The following CCBE1 variants were observed in gnomAD, a reference collection of about 807,000 sequenced individuals.
CCBE1 encodes the protein collagen and calcium-binding EGF domain-containing protein 1.
CCBE1 carries 37 observed loss-of-function variants against 50.0 expected under a neutral mutation model. The observed-to-expected ratio is 0.74, with a 90% CI of 0.57 to 0.97. The LOEUF is 0.97. CCBE1 is among the 50% of genes least tolerant of loss of function. CCBE1 has a pLI of 0.00. For missense variants in CCBE1, 538 were observed against 523.8 expected, an observed-to-expected ratio of 1.03 and a Z score of -0.26; for synonymous variants, 234 against 203.7, an observed-to-expected ratio of 1.15 and a Z score of -1.27.
rs1292933458 is a variant in CCBE1 at position 59,431,725 on chromosome 18, A to T, written c.*4183T>A. ...CTTTCCTTCCTTCCAAAACCAATGA[A>T]CATTTATTATTTACTTGTTGGGCTA... On this transcript the variant is annotated 3_prime_UTR_variant, in exon 11 of 11. Transcript: ENST00000439986. 1 of 152,160 alleles carries T rather than the reference A, an allele frequency of 6.6e-6. No homozygotes were observed. Among genetic ancestry groups the T allele is most frequent in the Non-Finnish European group, 1.5e-5 (1 of 68,022 alleles). 9.4% of individuals were successfully genotyped at this position (152,160 alleles called of 1,614,324 possible).
At chr18:59,614,789 C>T (rs963771103) in intron 2 of CCBE1, among the ~76,000 whole-genome samples, 1 of 152,274 alleles carries the variant, frequency 6.6e-6, no homozygotes, top group African/African-American at 2.4e-5. Flanking sequence ...CTCCTGACTT[C>T]TGTTAATATG....
chr18:59,438,247 A>G (rs1910251694), intron 9 of CCBE1, 101 bp from the exon 10 acceptor site: 3 of 1,054,472 alleles, frequency 2.8e-6, no homozygotes, highest in Admixed American at 1.8e-5. Flanking sequence ...TGCACAAAAC[A>G]ATAAACATTT....
Position 59,607,276 on chromosome 18 carries a change from G to A in CCBE1, c.212+89353C>T, listed in dbSNP as rs549522186. Among the ~76,000 whole-genome samples, 11 of 152,198 alleles carry A rather than the reference G, an allele frequency of 7.2e-5. No homozygotes were observed. The South Asian group carries it at 2.3e-3, about 32-fold the overall frequency. On this transcript the variant is annotated intron_variant, in intron 2 of 10. Coordinates refer to ENST00000439986, the MANE Select transcript of CCBE1 (RefSeq NM_133459.4). ...TGTACCAGTCAGCAATGTAGAATAC[G>A]GCCCATAAGTTCATGAATGGCATGA...
chr18:59,562,435 G>A (rs1332622977), intron 2 of CCBE1, among the ~76,000 whole-genome samples: 2 of 152,184 alleles, frequency 1.3e-5, no homozygotes, highest in African/African-American at 4.8e-5. Flanking sequence ...GCTGCACAGA[G>A]AGAGGCAGAG....
At chr18:59,648,589 C>T (rs2054086319) in intron 2 of CCBE1, among the ~76,000 whole-genome samples, 1 of 152,146 alleles carries the variant, frequency 6.6e-6, no homozygotes. Flanking sequence ...GCCTGTAGTC[C>T]TAGTCAGGAG....
Position 59,431,390 on chromosome 18 carries a change from G to A in CCBE1, c.*4518C>T, listed in dbSNP as rs749523231. 1 of 152,158 alleles carries A rather than the reference G, an allele frequency of 6.6e-6. No individual in the cohort carries two copies. 9.4% of individuals were successfully genotyped at this position (152,158 alleles called of 1,614,324 possible). A position where few individuals can be genotyped will look rare whatever the true frequency, so the allele number is the denominator to read the frequency against. On this transcript the variant is annotated 3_prime_UTR_variant, in exon 11 of 11. Coordinates refer to ENST00000439986, the MANE Select transcript of CCBE1 (RefSeq NM_133459.4). ...TTTAGATGGCTCTATTCTACTTGTT[G>A]TTTGGCCTGGATTCCTCCAATAACT...
chr18:59,653,517 A>T (rs1356890095), intron 2 of CCBE1, among the ~76,000 whole-genome samples: 1 of 152,216 alleles, frequency 6.6e-6, no homozygotes, highest in East Asian at 1.9e-4. Context: ...TGTGCTTTTC[A>T]CATTGTCTGC....
intron 2 of CCBE1, among the ~76,000 whole-genome samples, chr18:59,512,570 C>T (rs2144300170): frequency 6.6e-6 from 1 of 152,380 alleles, no homozygotes; most frequent in Admixed American, 6.5e-5. Flanking sequence ...GTGCCATTCC[C>T]TGTATGACAG....
At chr18:59,469,419 C>A in intron 4 of CCBE1, 54 bp downstream of exon 4, 1 of 1,612,902 alleles carries the variant, frequency 6.2e-7, no homozygotes, top group Non-Finnish European at 8.5e-7. Context: ...AGGACAGAAC[C>A]ATCTGAACAA....
intron 3 of CCBE1, among the ~76,000 whole-genome samples, chr18:59,478,582 G>A (rs1046039093): frequency 1.3e-5 from 2 of 152,230 alleles, no homozygotes; most frequent in African/African-American, 4.8e-5. Flanking sequence ...TATAGGTGCT[G>A]TAGTCTCTTT....
chr18:59,664,260 C>T (rs1054437019), intron 2 of CCBE1, among the ~76,000 whole-genome samples: 3 of 152,104 alleles, frequency 2.0e-5, no homozygotes, highest in African/African-American at 7.2e-5. Context: ...CACCTAATCC[C>T]ATCACCTTAG....
At chr18:59,658,345 A>T (rs2054222322) in intron 2 of CCBE1, among the ~76,000 whole-genome samples, 1 of 39,842 alleles carries the variant, frequency 2.5e-5, no homozygotes, top group Non-Finnish European at 4.2e-5. Context: ...AAAAAAAAAA[A>T]AAAAAAAAAA....
chr18:59,586,995 G>A (rs548008791), intron 2 of CCBE1, among the ~76,000 whole-genome samples: 9 of 152,120 alleles, frequency 5.9e-5, no homozygotes, highest in African/African-American at 1.7e-4. Context: ...AATGGAAACC[G>A]TGAACATGGA....
chr18:59,454,947 A>G lies in CCBE1; in HGVS notation c.558T>C (p.His186=), dbSNP rs1264409227. Residue 186 remains histidine (H), a synonymous_variant, in exon 6 of 11, where the codon CAT becomes CAC. Coordinates refer to ENST00000439986, the MANE Select transcript of CCBE1 (RefSeq NM_133459.4). ...RGDKYPNDTG[H]EKSENMVKAG... is the part of the protein sequence containing the mutation. ...CTTTCACCATGTTCTCAGACTTCTC[A>G]TGGCCTGAGAAAGGAGATAGGCTCA... is the stretch of plus-strand genomic sequence containing the variant. The G allele has an allele frequency of 6.2e-7, 1 of 1,612,328 alleles. No individual in the cohort carries two copies. The highest frequency in any genetic ancestry group is 2.2e-5 in the East Asian group (1 of 44,870).
At chr18:59,651,160 T>C (rs1400410545) in intron 2 of CCBE1, among the ~76,000 whole-genome samples, 2 of 152,206 alleles carry the variant, frequency 1.3e-5, no homozygotes, top group Non-Finnish European at 2.9e-5. Flanking sequence ...AAGCCTAAGC[T>C]ATAGAAAGAT....
chr18:59,673,148 G>A (rs1568266603), intron 2 of CCBE1, among the ~76,000 whole-genome samples: 1 of 152,168 alleles, frequency 6.6e-6, no homozygotes. Flanking sequence ...TGGAACATGA[G>A]GATTAAAAAT....
intron 2 of CCBE1, among the ~76,000 whole-genome samples, chr18:59,485,500 T>G (rs954880859): frequency 2.0e-5 from 3 of 152,066 alleles, no homozygotes; most frequent in African/African-American, 7.2e-5. Flanking sequence ...TTTGCACCCT[T>G]GCTGCAATGC....
intron 2 of CCBE1, among the ~76,000 whole-genome samples, chr18:59,674,084 G>C (rs377053530): frequency 2.0e-5 from 3 of 152,024 alleles, no homozygotes; most frequent in Admixed American, 6.6e-5. Flanking sequence ...GGCTCTTTTT[G>C]GTTGGTAGGC....
chr18:59,613,812 CTCT>C (rs1314045563), intron 2 of CCBE1, among the ~76,000 whole-genome samples: 6 of 149,570 alleles, frequency 4.0e-5, no homozygotes, highest in Admixed American at 6.7e-5. Flanking sequence ...AACTCTAAAC[CTCT>C]TAATTATCTT....
Sources: gnomAD v4.1 joint callset for allele counts (sites outside exome capture counted in the v4.1 genomes callset) on GRCh38, gnomAD v4.1.1 for gene constraint, MANE v1.5 for transcripts, NCBI Gene and HGNC (gene_info 2026-07-23, HGNC 2026-07-21) for gene names.